SOS2: variants seen among roughly 807,000 people sequenced by gnomAD.
SOS2 encodes SOS Ras/Rho guanine nucleotide exchange factor 2.
Under a neutral mutation model 148.2 loss-of-function variants are expected in SOS2, and 65 were observed. The observed-to-expected ratio is 0.44, with a 90% CI of 0.36 to 0.54. The LOEUF is 0.54. Among genes scored for constraint, SOS2 ranks in the 20% least tolerant of loss-of-function variants. SOS2 has a pLI of 0.00. For missense variants in SOS2, 1,341 were observed against 1,590.2 expected (o/e 0.84, Z 2.67); for synonymous variants, 539 against 537.1 (o/e 1.00, Z -0.05).
At chr14:50,121,282 T>C (rs551419621) in intron 21 of SOS2, among the ~76,000 whole-genome samples, 4 of 152,316 alleles carry the variant, frequency 2.6e-5, no homozygotes, top group African/African-American at 7.2e-5. Flanking sequence ...TTTAATTTTT[T>C]CTATAGTTCA....
In SOS2 at chr14:50,199,795, A is replaced by G; in HGVS notation, c.406T>C (p.Tyr136His). 6.3e-7 allele frequency: 1 copy of G among 1,596,268 alleles called. No individual in the cohort carries two copies. Among genetic ancestry groups the G allele is most frequent in the Non-Finnish European group, 8.6e-7 (1 of 1,164,780 alleles). The change falls in exon 4 of 23, where the codon TAT (tyrosine) becomes CAT (histidine). Residue 136 changes from tyrosine (Y) to histidine (H), a missense_variant. By Grantham distance (83) the Tyr-to-His change is moderately conservative. Coordinates refer to ENST00000216373, the MANE Select transcript of SOS2 (RefSeq NM_006939.4). ...VSLYIVAVLE[Y>H]ISADILKLAG... is the part of the protein sequence containing the mutation. ...AATTTTAAAATATCAGCTGAGATAT[A>G]CTCTAGTACAGCCACAATATATAGG...
intron 5 of SOS2, among the ~76,000 whole-genome samples, chr14:50,183,232 T>C (rs1285527442): frequency 6.6e-6 from 1 of 152,170 alleles, no homozygotes; most frequent in East Asian, 1.9e-4. Context: ...AAACTATTAA[T>C]AGTTTAGTAT....
intron 21 of SOS2, among the ~76,000 whole-genome samples, chr14:50,129,434 G>A (rs2139508261): frequency 6.6e-6 from 1 of 152,256 alleles, no homozygotes; most frequent in South Asian, 2.1e-4. Flanking sequence ...GCCCAGGCTG[G>A]AGTGTGGTGG....
chr14:50,171,614 G>C (rs1885366111), intron 8 of SOS2, among the ~76,000 whole-genome samples: 1 of 146,732 alleles, frequency 6.8e-6, no homozygotes, highest in Non-Finnish European at 1.5e-5. Context: ...AACCCAGGGG[G>C]CAGAGGTGGC....
chr14:50,145,383 GA>G (rs989027246), intron 15 of SOS2, 51 bp from the exon 16 acceptor site: 1 of 1,564,558 alleles, frequency 6.4e-7, no homozygotes, highest in African/African-American at 1.4e-5. Context: ...ACCTCACTTA[GA>G]AAACAAGATA....
At chr14:50,134,005 CAAACA>C in intron 19 of SOS2, 113 bp downstream of exon 19, 2 of 699,252 alleles carry the variant, frequency 2.9e-6, no homozygotes, top group Non-Finnish European at 5.2e-6. Context: ...TATATTACTG[CAAACA>C]AAACACCTAG....
At position 50,132,503 on chromosome 14, in the gene SOS2, A is replaced by G. The variant is rs956286810; in HGVS notation, c.3075+1620T>C. ...TGGTGAAACCTCATCTCTATTAAAA[A>G]TACAAAAATTAGCCGGGCGTAGTGG... On this transcript the variant is annotated intron_variant, in intron 19 of 22. Transcript: ENST00000216373. 2.6e-5 allele frequency among the ~76,000 whole-genome samples: 4 copies of G among 151,938 alleles called. 1 individual carries two copies. The highest frequency in any genetic ancestry group is 9.7e-5 in the African/African-American group (4 of 41,362).
At chr14:50,137,217 T>A (rs1884110521) in intron 18 of SOS2, among the ~76,000 whole-genome samples, 1 of 152,216 alleles carries the variant, frequency 6.6e-6, no homozygotes, top group African/African-American at 2.4e-5. Context: ...TACTATAGTA[T>A]CAATATTACA....
intron 22 of SOS2, among the ~76,000 whole-genome samples, chr14:50,119,407 G>C (rs1247694986): frequency 6.6e-6 from 1 of 152,192 alleles, no homozygotes; most frequent in Non-Finnish European, 1.5e-5. Flanking sequence ...AGGTAATTCT[G>C]ATGCACCCTT....
intron 4 of SOS2, among the ~76,000 whole-genome samples, chr14:50,198,977 A>T (rs901904188): frequency 1.2e-4 from 19 of 152,266 alleles, no homozygotes; most frequent in Admixed American, 1.2e-3. Flanking sequence ...AACATGGTGA[A>T]ACCCTATCTC....
At chr14:50,156,945 G>T (rs1344006740) in intron 12 of SOS2, 54 bp downstream of exon 12, 1 of 891,490 alleles carries the variant, frequency 1.1e-6, no homozygotes. Context: ...AAATGTGTGT[G>T]TGTGTGTATA....
At chr14:50,196,453 A>C (rs1228176984) in intron 4 of SOS2, among the ~76,000 whole-genome samples, 1 of 152,094 alleles carries the variant, frequency 6.6e-6, no homozygotes, top group Non-Finnish European at 1.5e-5. Flanking sequence ...AATTGTTGTA[A>C]AATATACAAC....
chr14:50,121,836 C>T (rs1317217305), intron 21 of SOS2, among the ~76,000 whole-genome samples: 1 of 152,196 alleles, frequency 6.6e-6, no homozygotes, highest in Non-Finnish European at 1.5e-5. Flanking sequence ...GAGGATGTTC[C>T]TCAGACCTGC....
intron 13 of SOS2, among the ~76,000 whole-genome samples, chr14:50,151,233 G>C (rs997896902): frequency 6.6e-6 from 1 of 152,198 alleles, no homozygotes; most frequent in Non-Finnish European, 1.5e-5. Flanking sequence ...TGTGTCTCAA[G>C]TCTCCTTTAA....
chr14:50,198,807 T>C (rs143355519), intron 4 of SOS2, among the ~76,000 whole-genome samples: 1 of 152,356 alleles, frequency 6.6e-6, no homozygotes, highest in East Asian at 1.9e-4. Context: ...CTGTTTATAA[T>C]ATTTTTATTT....
At chr14:50,182,631 G>T in intron 5 of SOS2, 25 bp from the exon 6 acceptor site, 1 of 1,578,188 alleles carries the variant, frequency 6.3e-7, no homozygotes, top group Non-Finnish European at 8.7e-7. Context: ...GGAAGGTTAA[G>T]AAATGTGAGA....
rs774057897 is a variant in SOS2, at chr14:50,159,573, A to G, written c.1710T>C (p.Pro570=). 1.2e-6 allele frequency: 2 copies of G among 1,613,900 alleles called. No individual in the cohort carries two copies. Among genetic ancestry groups the G allele is most frequent in the East Asian group, 2.2e-5 (1 of 44,866 alleles). ...CTTTTACTACAAAACGATATACTTC[A>G]GGACTTGGTAATCTCAGTGGTTGCT... ...ENEQPLRLPS[P]EVYRFVVKDS... is the part of the protein sequence containing the mutation. Residue 570 remains proline (P), a synonymous_variant, in exon 10 of 23, where the codon CCT becomes CCC. Coordinates refer to ENST00000216373, the MANE Select transcript of SOS2 (RefSeq NM_006939.4).
chr14:50,128,562 G>C (rs1883759280), intron 21 of SOS2, among the ~76,000 whole-genome samples: 1 of 152,154 alleles, frequency 6.6e-6, no homozygotes, highest in Non-Finnish European at 1.5e-5. Flanking sequence ...GGGTAGACAT[G>C]AAATTCTCAT....
rs1157545973 is a variant in SOS2 at position 50,178,670 on chromosome 14, GCATA to G, written c.969+1898_969+1901del. ...CTAGTGTGTGTGTGTGTGTGTGTGTGCATATATATATATATATATATATATATAT... is the reference window on the plus strand; with the variant it reads ...CTAGTGTGTGTGTGTGTGTGTGTGTGTATATATATATATATATATATATAT... On this transcript the variant is annotated intron_variant, in intron 7 of 22. Coordinates refer to ENST00000216373, the MANE Select transcript of SOS2 (RefSeq NM_006939.4). Among the ~76,000 whole-genome samples, 464 of 67,982 alleles carry G rather than the reference GCATA, an allele frequency of 6.8e-3. 8 individuals are homozygous for G. Among genetic ancestry groups the G allele is most frequent in the South Asian group, 0.013 (28 of 2,118 alleles). 44.6% of individuals were successfully genotyped at this position (67,982 alleles called of 152,430 possible). A position where few individuals can be genotyped will look rare whatever the true frequency, so the allele number is the denominator to read the frequency against.
Sources: allele counts gnomAD v4.1 joint callset (sites outside exome capture counted in the v4.1 genomes callset), GRCh38; gene constraint gnomAD v4.1.1; transcripts MANE v1.5; gene names NCBI Gene and HGNC (gene_info 2026-07-23, HGNC 2026-07-21).